The following RBKS variants were observed in gnomAD, a reference collection of about 807,000 sequenced individuals.
RBKS encodes the protein ribokinase.
RBKS carries 33 observed loss-of-function variants against 33.9 expected under a neutral mutation model. The ratio of observed to expected loss-of-function variants is 0.97; its 90% CI spans 0.74 to 1.30. RBKS has a LOEUF of 1.30. Among genes scored for constraint, RBKS ranks in the 50% most tolerant of loss-of-function variants. The probability of loss-of-function intolerance (pLI) is 0.00; values close to 1 mark genes in which losing one functional copy is unlikely to be tolerated. For missense variants in RBKS, 361 were observed against 392.6 expected, an observed-to-expected ratio of 0.92 and a Z score of 0.68; for synonymous variants, 125 against 143.0, an observed-to-expected ratio of 0.87 and a Z score of 0.90.
intron 2 of RBKS, among the ~76,000 whole-genome samples, chr2:27,854,199 C>T (rs1482996656): frequency 6.6e-6 from 1 of 152,076 alleles, no homozygotes; most frequent in East Asian, 1.9e-4. Context: ...ACTACAAGGC[C>T]TAATTTATTA....
At position 27,837,819 on chromosome 2, in the gene RBKS, G is replaced by A. The variant is rs72810526; in HGVS notation, c.515-5042C>T. Among the ~76,000 whole-genome samples the A allele has an allele frequency of 2.6e-3, 390 of 152,272 alleles. No homozygotes were observed. Among genetic ancestry groups the A allele is most frequent in the Middle Eastern group, 3.4e-3 (1 of 294 alleles). ...AGATGGGAACAACAGACACTACAGAGTACTGGAGCAGGGAGGGGCACAGGT... is the reference window on the plus strand; with the variant it reads ...AGATGGGAACAACAGACACTACAGAATACTGGAGCAGGGAGGGGCACAGGT... On this transcript the variant is annotated intron_variant, in intron 5 of 7. Coordinates refer to ENST00000302188, the MANE Select transcript of RBKS (RefSeq NM_022128.3). The surrounding 1 kb of genome is among the most constrained non-coding windows in gnomAD (Gnocchi z 4.0).
chr2:27,862,100 A>AC (rs1664002194), intron 1 of RBKS, among the ~76,000 whole-genome samples: 1 of 151,524 alleles, frequency 6.6e-6, no homozygotes, highest in Non-Finnish European at 1.5e-5. Flanking sequence ...GGTGCACACC[A>AC]CCACTCCTGG....
chr2:27,879,024 C>A (rs1239378433), intron 1 of RBKS, among the ~76,000 whole-genome samples: 2 of 152,204 alleles, frequency 1.3e-5, no homozygotes, highest in Middle Eastern at 6.3e-3. Flanking sequence ...GCTGCCTCAG[C>A]AGATACCATG....
chr2:27,798,159 A>C (rs1677696091), intron 7 of RBKS, among the ~76,000 whole-genome samples: 1 of 152,174 alleles, frequency 6.6e-6, no homozygotes, highest in African/African-American at 2.4e-5. Context: ...CCCAAGTCCT[A>C]GATAAACAGA....
intron 6 of RBKS, among the ~76,000 whole-genome samples, chr2:27,828,608 C>T (rs1678362536): frequency 6.6e-6 from 1 of 152,186 alleles, no homozygotes; most frequent in Non-Finnish European, 1.5e-5. Context: ...AGTCTGTGAC[C>T]TTCCCCACAC....
chr2:27,814,645 G>A (rs111666374), intron 7 of RBKS, among the ~76,000 whole-genome samples: 6 of 152,296 alleles, frequency 3.9e-5, no homozygotes, highest in Non-Finnish European at 5.9e-5. Context: ...ACAGTCATGC[G>A]GAAGGCACCT....
chr2:27,816,761 C>T (rs1289101258), intron 7 of RBKS, among the ~76,000 whole-genome samples: 1 of 152,072 alleles, frequency 6.6e-6, no homozygotes, highest in African/African-American at 2.4e-5. Flanking sequence ...CCACGCCCAG[C>T]TAATTTTTTG....
At chr2:27,848,577 G>C (rs578081649) in intron 2 of RBKS, among the ~76,000 whole-genome samples, 129 of 152,238 alleles carry the variant, frequency 8.5e-4, no homozygotes, top group African/African-American at 3.1e-3. Flanking sequence ...TTGGTATAAT[G>C]GAATTGTGTT....
At chr2:27,846,954 T>C (rs995510410) in intron 4 of RBKS, 88 bp downstream of exon 4, 3 of 904,456 alleles carry the variant, frequency 3.3e-6, no homozygotes, top group South Asian at 1.4e-5. Context: ...AAGAGGTCCA[T>C]AGGATTATGG....
chr2:27,858,334 T>C lies in RBKS; in HGVS notation c.222+105A>G, dbSNP rs1268100488. On this transcript the variant is annotated intron_variant, in intron 2 of 7. Coordinates refer to ENST00000302188, the MANE Select transcript of RBKS (RefSeq NM_022128.3). Reference sequence around the variant, plus strand: ...TGCCACTCTATGTATTACATGCCACTGAACTGTTCACTCTAAAATGGTTGA... The same window carrying C: ...TGCCACTCTATGTATTACATGCCACCGAACTGTTCACTCTAAAATGGTTGA... 6 of 1,140,526 alleles carry C rather than the reference T, an allele frequency of 5.3e-6. No homozygotes were observed. The East Asian group carries it at 1.4e-4, about 27-fold the overall frequency. 70.7% of individuals were successfully genotyped at this position (1,140,526 alleles called of 1,614,324 possible).
intron 4 of RBKS, among the ~76,000 whole-genome samples, chr2:27,844,445 T>G (rs1042090716): frequency 6.6e-6 from 1 of 151,982 alleles, no homozygotes; most frequent in African/African-American, 2.4e-5. Context: ...CAGGCTGGAG[T>G]GCAGTCGTGC....
intron 1 of RBKS, among the ~76,000 whole-genome samples, chr2:27,868,309 C>T (rs939806622): frequency 6.6e-6 from 1 of 151,904 alleles, no homozygotes; most frequent in Non-Finnish European, 1.5e-5. Flanking sequence ...TTGAGCTTAA[C>T]AATATATTTG....
chr2:27,805,397 C>T (rs2148191208), intron 7 of RBKS, among the ~76,000 whole-genome samples: 1 of 152,250 alleles, frequency 6.6e-6, no homozygotes, highest in East Asian at 1.9e-4. Context: ...CACCCCTGCA[C>T]AGGCATAAAA....
intron 2 of RBKS, among the ~76,000 whole-genome samples, chr2:27,856,362 A>T (rs965397495): frequency 5.9e-5 from 9 of 152,198 alleles, no homozygotes; most frequent in African/African-American, 2.2e-4. Flanking sequence ...AAACCATCAC[A>T]CACAAATGGT....
chr2:27,847,449 AAAAGT>A (rs1383499565), intron 3 of RBKS, among the ~76,000 whole-genome samples: 1 of 152,240 alleles, frequency 6.6e-6, no homozygotes, highest in Admixed American at 6.5e-5. Flanking sequence ...AGTTGAGATA[AAAAGT>A]AAAGGTCAAA....
intron 7 of RBKS, among the ~76,000 whole-genome samples, chr2:27,790,182 A>G (rs983714366): frequency 8.6e-5 from 13 of 151,874 alleles, no homozygotes. Context: ...TGGATTAGGG[A>G]AACGCAACCT....
chr2:27,856,085 ACTT>A (rs1001498683), intron 2 of RBKS, among the ~76,000 whole-genome samples: 6 of 152,224 alleles, frequency 3.9e-5, no homozygotes, highest in Non-Finnish European at 8.8e-5. Flanking sequence ...ACAGATAATA[ACTT>A]CTTTTACAAA....
At chr2:27,782,829 T>G (rs1026677178) in intron 7 of RBKS, 12 of 244,050 alleles carry the variant, frequency 4.9e-5, no homozygotes, top group Non-Finnish European at 5.4e-5. Context: ...CTCTTAAGGG[T>G]TGGGGAATTA....
At chr2:27,888,774 T>C (rs931673656) in intron 1 of RBKS, among the ~76,000 whole-genome samples, 20 of 100,302 alleles carry the variant, frequency 2.0e-4, no homozygotes, top group Admixed American at 1.4e-3. Context: ...GGTTTTTACA[T>C]TTAAAAAATG....
Sources: allele counts gnomAD v4.1 joint callset (sites outside exome capture counted in the v4.1 genomes callset), GRCh38; gene constraint gnomAD v4.1.1; non-coding constraint Gnocchi (gnomAD v3.1); transcripts MANE v1.5; gene names NCBI Gene and HGNC (gene_info 2026-07-23, HGNC 2026-07-21).